Variants in CDH18 observed in about 807,000 individuals in gnomAD.
The protein encoded by CDH18 is cadherin 18.
Under a neutral mutation model 67.9 loss-of-function variants are expected in CDH18, and 31 were observed. The ratio of observed to expected loss-of-function variants is 0.46; its 90% confidence interval spans 0.34 to 0.62. The LOEUF (loss-of-function observed/expected upper bound fraction) is 0.62, where lower values mean the gene tolerates loss of function less well. CDH18 is among the 20% of genes least tolerant of loss of function. CDH18 has a pLI of 0.01. For missense variants in CDH18, 890 were observed against 975.5 expected, an observed-to-expected ratio of 0.91 and a Z score of 1.17; for synonymous variants, 362 against 347.2, an observed-to-expected ratio of 1.04 and a Z score of -0.48.
intron 1 of CDH18, among the ~76,000 whole-genome samples, chr5:20,338,646 A>G (rs1167122076): frequency 2.0e-5 from 3 of 152,248 alleles, no homozygotes; most frequent in African/African-American, 7.2e-5. Context: ...GTATATTTCC[A>G]GTTGCAATGG....
chr5:19,592,029 C>A (rs1208983042), intron 6 of CDH18, among the ~76,000 whole-genome samples: 1 of 151,934 alleles, frequency 6.6e-6, no homozygotes, highest in Non-Finnish European at 1.5e-5. Context: ...GTGTTAAAAC[C>A]AATTTATTCT....
chr5:19,708,461 G>T (rs1433532975), intron 5 of CDH18, among the ~76,000 whole-genome samples: 3 of 152,044 alleles, frequency 2.0e-5, no homozygotes. Flanking sequence ...AAAAGGGGGG[G>T]ACATGTTGGG....
chr5:19,708,330 G>A (rs1217898865), intron 5 of CDH18, among the ~76,000 whole-genome samples: 5 of 152,156 alleles, frequency 3.3e-5, no homozygotes, highest in Admixed American at 6.5e-5. Flanking sequence ...TGATTTCAAT[G>A]ATGACTGTGC....
At chr5:19,694,764 A>T (rs1268814667) in intron 5 of CDH18, among the ~76,000 whole-genome samples, 1 of 151,650 alleles carries the variant, frequency 6.6e-6, no homozygotes, top group Non-Finnish European at 1.5e-5. Context: ...ATTGAATGTT[A>T]GTGATGATTT....
chr5:19,500,858 C>T (rs902123194), intron 11 of CDH18, among the ~76,000 whole-genome samples: 5 of 152,070 alleles, frequency 3.3e-5, no homozygotes, highest in African/African-American at 7.2e-5. Flanking sequence ...CGGCCAGTCA[C>T]GGTAGCTCAC....
At chr5:20,121,968 G>T (rs78460678) in intron 2 of CDH18, among the ~76,000 whole-genome samples, 1,694 of 152,182 alleles carry the variant, frequency 0.011, 35 homozygotes, top group African/African-American at 0.039. Context: ...ACGGAATGTG[G>T]GCTTCATAGT....
At chr5:20,148,507 G>A (rs1281317939) in intron 2 of CDH18, among the ~76,000 whole-genome samples, 3 of 152,232 alleles carry the variant, frequency 2.0e-5, no homozygotes, top group East Asian at 3.9e-4. Context: ...AAGACTTAGA[G>A]TTGCTGGGAC....
chr5:20,476,557 A>C (rs1752457227), intron 1 of CDH18, among the ~76,000 whole-genome samples: 1 of 152,192 alleles, frequency 6.6e-6, no homozygotes, highest in Admixed American at 6.5e-5. Flanking sequence ...CTAATTCAAT[A>C]ATTATACCTG....
chr5:20,501,227 A>AC (rs1754227968), intron 1 of CDH18, among the ~76,000 whole-genome samples: 1 of 151,762 alleles, frequency 6.6e-6, no homozygotes, highest in African/African-American at 2.4e-5. Context: ...AAAATTATTA[A>AC]ATGTAAATAA....
intron 8 of CDH18, among the ~76,000 whole-genome samples, chr5:19,566,816 A>C (rs1740486802): frequency 6.6e-6 from 1 of 152,188 alleles, no homozygotes; most frequent in African/African-American, 2.4e-5. Flanking sequence ...ACAACAGCCA[A>C]GATTTGAAAG....
At chr5:19,915,291 C>A (rs1472924528) in intron 2 of CDH18, among the ~76,000 whole-genome samples, 1 of 152,062 alleles carries the variant, frequency 6.6e-6, no homozygotes, top group Non-Finnish European at 1.5e-5. Context: ...AATTTACATT[C>A]TTTCTTCTGT....
At chr5:19,876,473 T>A (rs1787014653) in intron 2 of CDH18, among the ~76,000 whole-genome samples, 1 of 152,084 alleles carries the variant, frequency 6.6e-6, no homozygotes, top group Non-Finnish European at 1.5e-5. Flanking sequence ...CACTGTCTCA[T>A]CCCCAGGAGT....
intron 1 of CDH18, among the ~76,000 whole-genome samples, chr5:20,448,554 A>G (rs1750187652): frequency 6.6e-6 from 1 of 152,206 alleles, no homozygotes; most frequent in Non-Finnish European, 1.5e-5. Context: ...AATTATGTAG[A>G]AAGTTTAGTA....
intron 9 of CDH18, among the ~76,000 whole-genome samples, chr5:19,541,788 C>A (rs983127721): frequency 2.0e-5 from 3 of 152,044 alleles, no homozygotes; most frequent in East Asian, 1.9e-4. Flanking sequence ...GGGAATTATG[C>A]GAGCTACAAT....
intron 7 of CDH18, among the ~76,000 whole-genome samples, chr5:19,588,317 C>T (rs1050110617): frequency 8.6e-5 from 13 of 151,596 alleles, no homozygotes; most frequent in African/African-American, 2.7e-4. Context: ...GCTTTATAAG[C>T]GAAGGAGAAA....
At chr5:19,925,984 T>C (rs4866042) in intron 2 of CDH18, among the ~76,000 whole-genome samples, 43,984 of 152,138 alleles carry the variant, frequency 0.29, 7,577 homozygotes, top group South Asian at 0.41. Context: ...GTTTATTTTA[T>C]AGTAGCGAAT....
chr5:20,094,805 G>C (rs1252060128), intron 2 of CDH18, among the ~76,000 whole-genome samples: 1 of 152,044 alleles, frequency 6.6e-6, no homozygotes, highest in East Asian at 1.9e-4. Flanking sequence ...TCATTACTGG[G>C]TATATACCCA....
intron 1 of CDH18, among the ~76,000 whole-genome samples, chr5:20,438,271 T>G (rs2150186222): frequency 6.6e-6 from 1 of 150,948 alleles, no homozygotes; most frequent in South Asian, 2.1e-4. Context: ...TATATATTCC[T>G]ATTTGTGTGT....
chr5:20,084,990 T>C (rs1178967596), intron 2 of CDH18, among the ~76,000 whole-genome samples: 1 of 152,198 alleles, frequency 6.6e-6, no homozygotes, highest in Non-Finnish European at 1.5e-5. Context: ...AATGTTTGTC[T>C]CCTCATTACC....
Sources: gnomAD v4.1 joint callset for allele counts (sites outside exome capture counted in the v4.1 genomes callset) on GRCh38, gnomAD v4.1.1 for gene constraint, MANE v1.5 for transcripts, NCBI Gene and HGNC (gene_info 2026-07-23, HGNC 2026-07-21) for gene names.